DYNC2H1: variants seen among roughly 807,000 people sequenced by gnomAD.
DYNC2H1 encodes the protein cytoplasmic dynein 2 heavy chain 1.
Under a neutral mutation model 570.0 loss-of-function variants are expected in DYNC2H1, and 410 were observed. That is an observed-to-expected ratio of 0.72 (90% confidence interval 0.66 to 0.78). DYNC2H1 has a LOEUF of 0.78. DYNC2H1 is among the 30% of genes least tolerant of loss of function. The probability of loss-of-function intolerance (pLI) is 0.00; values close to 1 mark genes in which losing one functional copy is unlikely to be tolerated. For synonymous variants in DYNC2H1, 1,688 were observed against 1,677.6 expected, an observed-to-expected ratio of 1.01 and a Z score of -0.15; for missense variants, 4,865 against 5,046.4, an observed-to-expected ratio of 0.96 and a Z score of 1.09.
chr11:103,189,543 G>C lies in DYNC2H1; in HGVS notation c.7293-129G>C. 5.8e-6 allele frequency: 5 copies of C among 854,880 alleles called. No homozygotes were observed. The highest frequency in any genetic ancestry group is 8.9e-6 in the Non-Finnish European group (5 of 562,496). The allele number at this position is 854,880 out of a possible 1,614,324, so 53.0% of individuals were successfully genotyped here. On this transcript the variant is annotated intron_variant, in intron 44 of 88. Transcript: ENST00000375735. The surrounding 1 kb of genome is among the most constrained non-coding windows in gnomAD (Gnocchi z 4.3). Reference sequence around the variant, plus strand: ...CGATGAGCCTAGTCTTAGCCCCCTGGGTAAGCTTTGGAGATATGTAGGTCT... The same window carrying C: ...CGATGAGCCTAGTCTTAGCCCCCTGCGTAAGCTTTGGAGATATGTAGGTCT...
In DYNC2H1 at chr11:103,170,052, A is replaced by G. The variant is rs967064857; in HGVS notation, c.4969-56A>G. The G allele has an allele frequency of 1.1e-5, 15 of 1,385,238 alleles. No individual in the cohort carries two copies. Among genetic ancestry groups the G allele is most frequent in the Non-Finnish European group, 1.4e-5 (15 of 1,041,298 alleles). The allele number at this position is 1,385,238 out of a possible 1,614,324, so 85.8% of individuals were successfully genotyped here. Reference sequence around the variant, plus strand: ...AACTACAATCTCATGCTGTAAAAATATTTGTAAATGTTGAATAGAACATGA... The same window carrying G: ...AACTACAATCTCATGCTGTAAAAATGTTTGTAAATGTTGAATAGAACATGA... On this transcript the variant is annotated intron_variant, in intron 32 of 88. Transcript: ENST00000375735. The surrounding 1 kb of genome is among the most constrained non-coding windows in gnomAD (Gnocchi z 4.8).
At chr11:103,229,055 G>A (rs1863903844) in intron 59 of DYNC2H1, among the ~76,000 whole-genome samples, 2 of 152,156 alleles carry the variant, frequency 1.3e-5, no homozygotes, top group Admixed American at 1.3e-4. Context: ...CTCCTATGTA[G>A]TCTGCAGTCC....
In DYNC2H1 at chr11:103,395,232, G is replaced by T. The variant is rs2671367; in HGVS notation, c.12157-4431G>T. ...ACTGACTTATGTGAAAAATGGAAAT[G>T]TATGGTGTATATGATTGAAAAGGTG... On this transcript the variant is annotated intron_variant, in intron 83 of 88. Coordinates refer to ENST00000375735, the MANE Select transcript of DYNC2H1 (RefSeq NM_001377.3). This position sits in a 1 kb window ranked among gnomAD's most constrained non-coding sequence, Gnocchi z 4.3. Among the ~76,000 whole-genome samples, 102,073 of 151,910 alleles carry T rather than the reference G, an allele frequency of 0.67. 34,413 individuals are homozygous for T. The highest frequency in any genetic ancestry group is 0.73 in the Admixed American group (11,095 of 15,250).
At chr11:103,424,157 T>C (rs1276555759) in intron 84 of DYNC2H1, among the ~76,000 whole-genome samples, 1 of 152,120 alleles carries the variant, frequency 6.6e-6, no homozygotes, top group Non-Finnish European at 1.5e-5. Context: ...AAAAATATTC[T>C]GGAATTAGTG....
chr11:103,390,704 A>G (rs1023176801), intron 83 of DYNC2H1, among the ~76,000 whole-genome samples: 4 of 152,108 alleles, frequency 2.6e-5, no homozygotes, highest in Non-Finnish European at 4.4e-5. Context: ...TGGTGACAAA[A>G]TCTCTCAGCA....
At chr11:103,414,589 A>ATTG (rs1181424140) in intron 84 of DYNC2H1, among the ~76,000 whole-genome samples, 2 of 108,796 alleles carry the variant, frequency 1.8e-5, no homozygotes, top group African/African-American at 4.0e-5. Context: ...GAGAAGTCAC[A>ATTG]TTGTCTCTGT....
rs1470932150 is a variant in DYNC2H1 at position 103,179,011 on chromosome 11, T to G, written c.6140-15T>G. 1.3e-6 allele frequency: 2 copies of G among 1,598,602 alleles called. No homozygotes were observed. The highest frequency in any genetic ancestry group is 2.2e-5 in the South Asian group (2 of 88,970). ...ATATTTTTATTTTGTCTCCACTGTT[T>G]TGATTTGAAAATAGATGTCAGCTCA... On this transcript the variant is annotated splice_polypyrimidine_tract_variant and intron_variant, in intron 38 of 88. Transcript: ENST00000375735.
intron 83 of DYNC2H1, among the ~76,000 whole-genome samples, chr11:103,383,905 C>T (rs1941769597): frequency 6.6e-6 from 1 of 152,112 alleles, no homozygotes; most frequent in Non-Finnish European, 1.5e-5. Context: ...TTCATTGTAA[C>T]TTCATCTTCT....
intron 83 of DYNC2H1, among the ~76,000 whole-genome samples, chr11:103,384,451 A>C (rs940962204): frequency 1.3e-5 from 2 of 152,118 alleles, no homozygotes; most frequent in African/African-American, 4.8e-5. Flanking sequence ...TATAACTGGA[A>C]TATTTAGTCT....
rs554407400 is a variant in DYNC2H1 at position 103,307,077 on chromosome 11, T to C, written c.11383-644T>C. On this transcript the variant is annotated intron_variant, in intron 77 of 88. Transcript: ENST00000375735. ...GTATTTTGACAGATAAGTAATAATT[T>C]GTCAGAGTACAAAGAGAATAATAGG... Among the ~76,000 whole-genome samples, 39 of 152,282 alleles carry C rather than the reference T, an allele frequency of 2.6e-4. 1 individual carries two copies. In the South Asian group the frequency reaches 8.1e-3, roughly 32 times the overall value.
chr11:103,344,967 G>T (rs1939663830), intron 82 of DYNC2H1, among the ~76,000 whole-genome samples: 1 of 151,018 alleles, frequency 6.6e-6, no homozygotes, highest in Non-Finnish European at 1.5e-5. Context: ...CCACCATTCT[G>T]TTTTGTTTAA....
At chr11:103,291,572 A>G (rs756948846) in intron 75 of DYNC2H1, among the ~76,000 whole-genome samples, 1 of 152,150 alleles carries the variant, frequency 6.6e-6, no homozygotes, top group Non-Finnish European at 1.5e-5. Context: ...TGTTATGTCT[A>G]TTTGGTCTAT....
At chr11:103,317,530 AT>A (rs1187654943) in intron 80 of DYNC2H1, among the ~76,000 whole-genome samples, 1 of 152,292 alleles carries the variant, frequency 6.6e-6, no homozygotes, top group African/African-American at 2.4e-5. Context: ...AACATTCTTC[AT>A]ACCATAAACA....
chr11:103,200,825 G>A (rs1459563677), intron 50 of DYNC2H1, among the ~76,000 whole-genome samples: 2 of 152,080 alleles, frequency 1.3e-5, no homozygotes, highest in African/African-American at 4.8e-5. Context: ...TTGTTTGCTT[G>A]TTTGTTTATT....
chr11:103,378,232 A>T (rs2671382), intron 83 of DYNC2H1, among the ~76,000 whole-genome samples: 102,382 of 151,970 alleles, frequency 0.67, 34,587 homozygotes, highest in Admixed American at 0.73. Flanking sequence ...CCTTTCACAC[A>T]GGCAACAGAG....
chr11:103,309,557 GA>G (rs11365208), intron 78 of DYNC2H1, among the ~76,000 whole-genome samples: 7,817 of 142,410 alleles, frequency 0.055, 252 homozygotes, highest in Non-Finnish European at 0.078. Flanking sequence ...TTCATTTAAG[GA>G]AAAAAAAAAG....
In DYNC2H1 at chr11:103,280,483, G is replaced by C; in HGVS notation, c.10761+70G>C. 7.8e-7 allele frequency: 1 copy of C among 1,285,578 alleles called. No individual in the cohort carries two copies. The highest frequency in any genetic ancestry group is 1.1e-6 in the Non-Finnish European group (1 of 910,320). The allele number at this position is 1,285,578 out of a possible 1,614,324, so 79.6% of individuals were successfully genotyped here. On this transcript the variant is annotated intron_variant, in intron 71 of 88. Coordinates refer to ENST00000375735, the MANE Select transcript of DYNC2H1 (RefSeq NM_001377.3). The surrounding 1 kb of genome is among the most constrained non-coding windows in gnomAD (Gnocchi z 4.7). ...TTGTTAATGGGTGGATTTATGTTTA[G>C]ATTAGAAATTATTTAGGCTAGAAAT...
intron 46 of DYNC2H1, 89 bp downstream of exon 46, chr11:103,191,708 G>A (rs180762146): frequency 2.5e-4 from 135 of 550,404 alleles, no homozygotes; most frequent in South Asian, 2.6e-4. Context: ...AGTTAAATGC[G>A]TATTATATCA....
chr11:103,129,111 T>TTG lies in DYNC2H1; in HGVS notation c.1953+108_1953+109dup. The TTG allele has an allele frequency of 2.1e-6, 2 of 970,914 alleles. No homozygotes were observed. Among genetic ancestry groups the TTG allele is most frequent in the Non-Finnish European group, 3.0e-6 (2 of 674,486 alleles). 60.1% of individuals were successfully genotyped at this position (970,914 alleles called of 1,614,324 possible). On this transcript the variant is annotated intron_variant, in intron 13 of 88. Coordinates refer to ENST00000375735, the MANE Select transcript of DYNC2H1 (RefSeq NM_001377.3). This position sits in a 1 kb window ranked among gnomAD's most constrained non-coding sequence, Gnocchi z 4.1. ...CTTAATATATCAAATGATCTAGATT[T>TTG]TGTTTTGCTTCCAGGGACTTCCTTC...
Sources: gnomAD v4.1 joint callset for allele counts (sites outside exome capture counted in the v4.1 genomes callset) on GRCh38, gnomAD v4.1.1 for gene constraint, Gnocchi (gnomAD v3.1) non-coding constraint, MANE v1.5 for transcripts, NCBI Gene and HGNC (gene_info 2026-07-23, HGNC 2026-07-21) for gene names.